The following GSPT1 variants were observed in gnomAD, a reference collection of about 807,000 sequenced individuals.
The protein encoded by GSPT1 is G1 to S phase transition 1, also known as eukaryotic peptide chain release factor GTP-binding subunit ERF3A.
In GSPT1, 20 loss-of-function variants were observed where a neutral mutation model predicts 72.5. That is an observed-to-expected ratio of 0.28 (90% CI 0.19 to 0.40). The LOEUF is 0.40. Ranked by LOEUF, GSPT1 falls within the 10% of genes least tolerant of loss-of-function variation. The pLI is 1.00. For missense variants in GSPT1, 580 were observed against 811.9 expected, an observed-to-expected ratio of 0.71 and a Z score of 3.47; for synonymous variants, 334 against 293.5, an observed-to-expected ratio of 1.14 and a Z score of -1.41.
chr16:11,875,968 CA>C, intron 13 of GSPT1, 39 bp from the exon 14 acceptor site: 1 of 1,559,282 alleles, frequency 6.4e-7, no homozygotes. Flanking sequence ...AGAATAATGC[CA>C]AATAAAATAA....
chr16:11,873,452 A>G (rs1266105962), intron 14 of GSPT1, among the ~76,000 whole-genome samples: 3 of 152,100 alleles, frequency 2.0e-5, no homozygotes, highest in African/African-American at 7.2e-5. Flanking sequence ...GCTGAGATAC[A>G]GATGCCTGCC....
intron 1 of GSPT1, among the ~76,000 whole-genome samples, chr16:11,903,213 T>C (rs1349470422): frequency 6.6e-6 from 1 of 152,038 alleles, no homozygotes; most frequent in African/African-American, 2.4e-5. Flanking sequence ...AAATTTTAAC[T>C]ATCAATCCAG....
At position 11,870,850 on chromosome 16, in the gene GSPT1, C is replaced by G. The variant is rs1357736785; in HGVS notation, c.*2269G>C. 6.6e-6 allele frequency: 1 copy of G among 152,034 alleles called. No homozygotes were observed. 9.4% of individuals were successfully genotyped at this position (152,034 alleles called of 1,614,324 possible). A position where few individuals can be genotyped will look rare whatever the true frequency, so the allele number is the denominator to read the frequency against. The stretch of plus-strand genomic sequence containing the variant: ...GACCTGTTACTTTTTAGAGGTAGGC[C>G]CTTCACAGTTGATATCCAAGTTACT... On this transcript the variant is annotated 3_prime_UTR_variant, in exon 15 of 15. Transcript: ENST00000434724.
At chr16:11,900,440 G>A (rs2054392060) in intron 1 of GSPT1, among the ~76,000 whole-genome samples, 1 of 152,086 alleles carries the variant, frequency 6.6e-6, no homozygotes, top group South Asian at 2.1e-4. Flanking sequence ...TAGGGAGTGG[G>A]GGATGGAGGG....
chr16:11,897,828 A>C lies in GSPT1; in HGVS notation c.436+12T>G, dbSNP rs1337540945. ...CATATTACTGTATTAATATGGTCAG[A>C]AATTTTCTTACCAATAGGTTCTGAA... On this transcript the variant is annotated intron_variant, in intron 3 of 14. Transcript: ENST00000434724. The C allele has an allele frequency of 3.5e-6, 5 of 1,432,878 alleles. No individual in the cohort carries two copies. The highest frequency in any genetic ancestry group is 4.8e-6 in the Non-Finnish European group (5 of 1,034,734). 88.8% of individuals were successfully genotyped at this position (1,432,878 alleles called of 1,614,324 possible). A position where few individuals can be genotyped will look rare whatever the true frequency, so the allele number is the denominator to read the frequency against.
At chr16:11,892,196 G>C (rs1353986252) in intron 5 of GSPT1, among the ~76,000 whole-genome samples, 1 of 151,412 alleles carries the variant, frequency 6.6e-6, no homozygotes, top group African/African-American at 2.4e-5. Flanking sequence ...TTAAAAAATT[G>C]GCCTGGTGTG....
chr16:11,889,329 C>CTTCT (rs2054225325), intron 6 of GSPT1, among the ~76,000 whole-genome samples: 3 of 60,040 alleles, frequency 5.0e-5, no homozygotes, highest in Admixed American at 2.4e-4. Flanking sequence ...CCCTCTTCTT[C>CTTCT]TTTTTTTTTT....
At chr16:11,914,949 C>T (rs948944199) in intron 1 of GSPT1, 20 of 1,163,600 alleles carry the variant, frequency 1.7e-5, no homozygotes, top group Non-Finnish European at 2.1e-5. Flanking sequence ...AAAACTCGGC[C>T]ATTCGTCCTC....
rs2053982553 is a variant in GSPT1, at chr16:11,871,765, G to A, written c.*1354C>T. ...AATGGCAACACTCAACATCAAGGGG[G>A]CTTTGGATAAACCCACAAATTGCCT... On this transcript the variant is annotated 3_prime_UTR_variant, in exon 15 of 15. Transcript: ENST00000434724. The A allele has an allele frequency of 6.6e-6, 1 of 152,052 alleles. No homozygotes were observed. The highest frequency in any genetic ancestry group is 1.5e-5 in the Non-Finnish European group (1 of 68,016). The allele number at this position is 152,052 out of a possible 1,614,324, so 9.4% of individuals were successfully genotyped here. A position where few individuals can be genotyped will look rare whatever the true frequency, so the allele number is the denominator to read the frequency against.
At position 11,900,495 on chromosome 16, in the gene GSPT1, G is replaced by T. The variant is rs568608128; in HGVS notation, c.353-2460C>A. Among the ~76,000 whole-genome samples the T allele has an allele frequency of 9.1e-4, 139 of 152,060 alleles. 1 individual carries two copies. Among genetic ancestry groups the T allele is most frequent in the South Asian group, 1.7e-3 (8 of 4,812 alleles). On this transcript the variant is annotated intron_variant, in intron 1 of 14. Coordinates refer to ENST00000434724, the MANE Select transcript of GSPT1 (RefSeq NM_002094.4). ...TAATTTTTATTGAGCCCTAAGTGCC[G>T]ACTGCTAGCTCATTCCCACCAAAAG...
intron 5 of GSPT1, among the ~76,000 whole-genome samples, chr16:11,892,531 A>AAAAAAAAAAAAAAAAAAT (rs1567443313): frequency 7.1e-6 from 1 of 139,864 alleles, no homozygotes; most frequent in African/African-American, 2.8e-5. Context: ...AACAAAAAAA[A>AAAAAAAAAAAAAAAAAAT]CAAAAAATAA....
chr16:11,870,942 A>AT lies in GSPT1; in HGVS notation c.*2176dup, dbSNP rs1306654554. On this transcript the variant is annotated 3_prime_UTR_variant, in exon 15 of 15. Transcript: ENST00000434724. ...AATGTTTTAGTAGCAAACATAACTT[A>AT]TTTTTTAAAAATGTGTTCTATTTAG... 3 of 152,170 alleles carry AT rather than the reference A, an allele frequency of 2.0e-5. No homozygotes were observed. The highest frequency in any genetic ancestry group is 7.2e-5 in the African/African-American group (3 of 41,440). 9.4% of individuals were successfully genotyped at this position (152,170 alleles called of 1,614,324 possible).
intron 1 of GSPT1, chr16:11,904,139 GTAGT>G (rs1320926198): frequency 4.5e-6 from 1 of 223,594 alleles, no homozygotes; most frequent in Non-Finnish European, 1.0e-5. Flanking sequence ...GGGAGCCATG[GTAGT>G]TACTGTCCTT....
Position 11,893,541 on chromosome 16 carries a change from T to C in GSPT1, c.698+1413A>G, listed in dbSNP as rs372921064. ...AGTCTTATTACTTGTCAAAATGAGATAATAATTTCAAAATAGTTCGTTAGT... is the reference window on the plus strand; with the variant it reads ...AGTCTTATTACTTGTCAAAATGAGACAATAATTTCAAAATAGTTCGTTAGT... On this transcript the variant is annotated intron_variant, in intron 5 of 14. Transcript: ENST00000434724. Among the ~76,000 whole-genome samples the C allele has an allele frequency of 5.3e-5, 8 of 152,262 alleles. No individual in the cohort carries two copies. The East Asian group carries it at 1.5e-3, about 29-fold the overall frequency.
rs1471455130 is a variant in GSPT1 at position 11,886,586 on chromosome 16, C to G, written c.1138G>C (p.Val380Leu). 1 of 1,611,364 alleles carries G rather than the reference C, an allele frequency of 6.2e-7. No individual in the cohort carries two copies. The highest frequency in any genetic ancestry group is 2.2e-5 in the East Asian group (1 of 44,866). Reference sequence around the variant, plus strand: ...AAGCCAACTTTTTTCAAAAATGGCACTAGTTTCTCCTTACATTCTTCATAT... The same window carrying G: ...AAGCCAACTTTTTTCAAAAATGGCAGTAGTTTCTCCTTACATTCTTCATAT... ...ERYEECKEKL[V>L]PFLKKVGFNP... The change falls in exon 9 of 15, where the codon GTG becomes CTG. Residue 380 changes from valine to leucine, a missense_variant. Physicochemically the swap from Val to Leu is conservative, Grantham distance 32. Transcript: ENST00000434724.
At chr16:11,915,104 A>G (rs986911148) in intron 1 of GSPT1, 12 of 1,277,276 alleles carry the variant, frequency 9.4e-6, no homozygotes, top group African/African-American at 4.6e-5. Context: ...CGGACTCCAG[A>G]GCAGGGCAGG....
In GSPT1 at chr16:11,869,431, C is replaced by G. The variant is rs2053954186; in HGVS notation, c.*3688G>C. 6.6e-6 allele frequency: 1 copy of G among 152,194 alleles called. No individual in the cohort carries two copies. Among genetic ancestry groups the G allele is most frequent in the Non-Finnish European group, 1.5e-5 (1 of 68,042 alleles). The allele number at this position is 152,194 out of a possible 1,614,324, so 9.4% of individuals were successfully genotyped here. ...CTATTATTTGGAGATAGATAATTGT[C>G]CCCTGAATCCACTGGTTGTTCTCTT... On this transcript the variant is annotated 3_prime_UTR_variant, in exon 15 of 15. Coordinates refer to ENST00000434724, the MANE Select transcript of GSPT1 (RefSeq NM_002094.4).
chr16:11,907,877 A>G (rs2054508002), intron 1 of GSPT1, among the ~76,000 whole-genome samples: 2 of 152,238 alleles, frequency 1.3e-5, no homozygotes, highest in African/African-American at 4.8e-5. Flanking sequence ...TGCATAGAGT[A>G]ACTAAAATTC....
Position 11,877,349 on chromosome 16 carries a change from T to TA in GSPT1, c.1602+57dup, listed in dbSNP as rs1282611840. The TA allele has an allele frequency of 8.5e-7, 1 of 1,172,502 alleles. No individual in the cohort carries two copies. The highest frequency in any genetic ancestry group is 1.2e-6 in the Non-Finnish European group (1 of 829,228). 72.6% of individuals were successfully genotyped at this position (1,172,502 alleles called of 1,614,324 possible). ...AAATAATCAGGACAAAAGGCACTGA[T>TA]ATTCTAATTTCATTTAGACATTAAA... On this transcript the variant is annotated intron_variant, in intron 12 of 14. Coordinates refer to ENST00000434724, the MANE Select transcript of GSPT1 (RefSeq NM_002094.4). The surrounding 1 kb of genome is among the most constrained non-coding windows in gnomAD (Gnocchi z 4.0).
Sources: gnomAD v4.1 joint callset for allele counts (sites outside exome capture counted in the v4.1 genomes callset) on GRCh38, gnomAD v4.1.1 for gene constraint, Gnocchi (gnomAD v3.1) non-coding constraint, MANE v1.5 for transcripts, NCBI Gene and HGNC (gene_info 2026-07-23, HGNC 2026-07-21) for gene names.